The following THSD7B variants were observed in gnomAD, a reference collection of about 807,000 sequenced individuals.
The protein encoded by THSD7B is thrombospondin type 1 domain containing 7B.
THSD7B carries 138 observed loss-of-function variants against 213.6 expected under a neutral mutation model. The ratio of observed to expected loss-of-function variants is 0.65; its 90% CI spans 0.56 to 0.74. THSD7B has a LOEUF of 0.74. THSD7B is among the 30% of genes least tolerant of loss of function. THSD7B has a pLI of 0.00. For missense variants in THSD7B, 1,931 were observed against 1,991.5 expected (o/e 0.97, Z 0.58); for synonymous variants, 742 against 687.0 (o/e 1.08, Z -1.25).
chr2:136,782,715 A>G (rs1681765131), intron 1 of THSD7B, among the ~76,000 whole-genome samples: 1 of 152,134 alleles, frequency 6.6e-6, no homozygotes, highest in Admixed American at 6.5e-5. Context: ...GACTATAGTT[A>G]GTGTCGATAT....
chr2:137,214,785 A>C (rs1246504661), intron 7 of THSD7B, among the ~76,000 whole-genome samples: 1 of 152,124 alleles, frequency 6.6e-6, no homozygotes, highest in Non-Finnish European at 1.5e-5. Context: ...ATGGCTGCAT[A>C]GTCTTCCATG....
intron 20 of THSD7B, among the ~76,000 whole-genome samples, chr2:137,624,544 G>A (rs1311657840): frequency 9.9e-5 from 15 of 152,150 alleles, no homozygotes; most frequent in Non-Finnish European, 2.1e-4. Context: ...GCAACCTACA[G>A]AATGGGAGAA....
At chr2:137,178,103 T>C (rs1051911685) in intron 7 of THSD7B, among the ~76,000 whole-genome samples, 1 of 151,030 alleles carries the variant, frequency 6.6e-6, no homozygotes, top group Admixed American at 6.6e-5. Context: ...GTAGTAGTAT[T>C]GGTCCTAATC....
chr2:136,860,759 A>G (rs900862028), intron 1 of THSD7B, among the ~76,000 whole-genome samples: 1 of 152,200 alleles, frequency 6.6e-6, no homozygotes, highest in South Asian at 2.1e-4. Flanking sequence ...GCTAAAATGT[A>G]AGTCACATGA....
intron 5 of THSD7B, among the ~76,000 whole-genome samples, chr2:137,122,485 T>C (rs1688562634): frequency 6.6e-6 from 1 of 152,092 alleles, no homozygotes; most frequent in Admixed American, 6.6e-5. Context: ...GTAAAGACAC[T>C]GAAGTGGAAA....
At chr2:136,795,073 C>A (rs1444408987) in intron 1 of THSD7B, among the ~76,000 whole-genome samples, 1 of 151,870 alleles carries the variant, frequency 6.6e-6, no homozygotes, top group Non-Finnish European at 1.5e-5. Flanking sequence ...CTCTTACAGC[C>A]AACTGTATTA....
chr2:137,031,421 GTC>G (rs1203122275), intron 2 of THSD7B, among the ~76,000 whole-genome samples: 2 of 152,140 alleles, frequency 1.3e-5, no homozygotes, highest in Non-Finnish European at 2.9e-5. Context: ...TCTGAGAGTA[GTC>G]TCTCATTTTT....
rs184735867 is a variant in THSD7B at position 136,774,942 on chromosome 2, A to T, written c.-36+9255A>T. The stretch of plus-strand genomic sequence containing the variant: ...CAAGATGCATTTGTTTGTAAGCTAT[A>T]TGAATAAATTCAAAGAGTATTTATT... On this transcript the variant is annotated intron_variant, in intron 1 of 27. Transcript: ENST00000409968. Among the ~76,000 whole-genome samples, 110 of 152,280 alleles carry T rather than the reference A, an allele frequency of 7.2e-4. 1 individual carries two copies. Among genetic ancestry groups the T allele is most frequent in the African/African-American group, 2.5e-3 (102 of 41,580 alleles).
At chr2:136,891,961 A>C (rs1211956814) in intron 2 of THSD7B, among the ~76,000 whole-genome samples, 3 of 152,124 alleles carry the variant, frequency 2.0e-5, no homozygotes, top group Non-Finnish European at 4.4e-5. Flanking sequence ...GGAGGGCTTC[A>C]TCACTCACAT....
At chr2:136,767,592 A>G (rs994919727) in intron 1 of THSD7B, among the ~76,000 whole-genome samples, 1 of 152,142 alleles carries the variant, frequency 6.6e-6, no homozygotes, top group African/African-American at 2.4e-5. Flanking sequence ...AATTCTTCTG[A>G]CACTGTAACA....
At chr2:136,963,407 C>T (rs2105087924) in intron 2 of THSD7B, among the ~76,000 whole-genome samples, 1 of 152,136 alleles carries the variant, frequency 6.6e-6, no homozygotes, top group African/African-American at 2.4e-5. Context: ...CTTAGGGAGG[C>T]CGAGGGTGGG....
At chr2:137,550,118 C>G (rs1459689447) in intron 15 of THSD7B, among the ~76,000 whole-genome samples, 1 of 151,996 alleles carries the variant, frequency 6.6e-6, no homozygotes, top group Non-Finnish European at 1.5e-5. Flanking sequence ...GACCTTCCCT[C>G]TCTCACTCTA....
chr2:137,409,283 G>C (rs1404550613), intron 13 of THSD7B, among the ~76,000 whole-genome samples: 25 of 152,192 alleles, frequency 1.6e-4, no homozygotes, highest in Non-Finnish European at 2.9e-5. Flanking sequence ...GAGATTTGCA[G>C]GTGGGGCTAA....
chr2:137,099,004 G>A lies in THSD7B; in HGVS notation c.1199+3883G>A, dbSNP rs551317499. 3.9e-5 allele frequency among the ~76,000 whole-genome samples: 6 copies of A among 152,264 alleles called. No individual in the cohort carries two copies. The East Asian group carries it at 1.2e-3, about 29-fold the overall frequency. On this transcript the variant is annotated intron_variant, in intron 4 of 27. Transcript: ENST00000409968. ...AGTTTGTTTCGAAGTTGTAGTTTTT[G>A]ATTAAGGCATATATAGACCCCAGGA... is the stretch of plus-strand genomic sequence containing the variant.
chr2:137,171,084 A>T (rs1680240782), intron 7 of THSD7B, 146 bp downstream of exon 7: 1 of 925,382 alleles, frequency 1.1e-6, no homozygotes, highest in South Asian at 1.7e-5. Context: ...CGAGTGACAC[A>T]TTGCTGCAAA....
chr2:136,845,378 G>A (rs557680207), intron 1 of THSD7B, among the ~76,000 whole-genome samples: 1 of 152,230 alleles, frequency 6.6e-6, no homozygotes, highest in Non-Finnish European at 1.5e-5. Flanking sequence ...CTGCTTCAGG[G>A]AAGGATGAGA....
chr2:137,087,033 T>A (rs1417681261), intron 3 of THSD7B, among the ~76,000 whole-genome samples: 1 of 152,218 alleles, frequency 6.6e-6, no homozygotes, highest in East Asian at 1.9e-4. Context: ...TAAATTGCCA[T>A]GTATTCATAT....
intron 2 of THSD7B, among the ~76,000 whole-genome samples, chr2:136,919,453 C>T (rs1437461032): frequency 3.3e-5 from 5 of 152,206 alleles, no homozygotes; most frequent in Admixed American, 2.6e-4. Context: ...ATGTAAATGG[C>T]TCTTTATAAT....
intron 10 of THSD7B, among the ~76,000 whole-genome samples, chr2:137,266,576 A>G (rs948509487): frequency 6.6e-5 from 10 of 152,210 alleles, no homozygotes; most frequent in Non-Finnish European, 1.3e-4. Flanking sequence ...GTGAAGCATA[A>G]TAGACCACTG....
Sources: allele counts gnomAD v4.1 joint callset (sites outside exome capture counted in the v4.1 genomes callset), GRCh38; gene constraint gnomAD v4.1.1; transcripts MANE v1.5; gene names NCBI Gene and HGNC (gene_info 2026-07-23, HGNC 2026-07-21).